The following NPAS3 variants were observed in gnomAD, a reference collection of about 807,000 sequenced individuals.
NPAS3 encodes the protein neuronal PAS domain protein 3.
NPAS3 carries 14 observed loss-of-function variants against 73.1 expected under a neutral mutation model. The ratio of observed to expected loss-of-function variants is 0.19; its 90% CI spans 0.13 to 0.30. NPAS3 has a LOEUF of 0.30. Ranked by LOEUF, NPAS3 falls within the 10% of genes least tolerant of loss-of-function variation. The probability of loss-of-function intolerance (pLI) is 1.00; values close to 1 mark genes in which losing one functional copy is unlikely to be tolerated. For synonymous variants in NPAS3, 620 were observed against 541.5 expected (o/e 1.14, Z -2.01); for missense variants, 1,096 against 1,250.0 (o/e 0.88, Z 1.86).
intron 2 of NPAS3, among the ~76,000 whole-genome samples, chr14:33,139,242 A>T (rs778651039): frequency 2.4e-4 from 36 of 152,304 alleles, no homozygotes; most frequent in Non-Finnish European, 4.0e-4. Context: ...GAGACTGTTC[A>T]CATGTTACCA....
At chr14:33,725,722 G>A (rs2061246860) in intron 6 of NPAS3, among the ~76,000 whole-genome samples, 1 of 151,990 alleles carries the variant, frequency 6.6e-6, no homozygotes, top group Admixed American at 6.6e-5. Flanking sequence ...CATTGCCACT[G>A]TCCTGGCTCC....
At chr14:33,010,956 G>GA (rs36078548) in intron 1 of NPAS3, among the ~76,000 whole-genome samples, 82,169 of 142,186 alleles carry the variant, frequency 0.58, 25,472 homozygotes, top group Non-Finnish European at 0.7. Flanking sequence ...AAAAAAAAAA[G>GA]AAAAGAAAAA....
intron 5 of NPAS3, among the ~76,000 whole-genome samples, chr14:33,596,493 G>A (rs879379907): frequency 4.6e-5 from 7 of 152,168 alleles, no homozygotes; most frequent in East Asian, 1.9e-4. Context: ...ATGGCTTGCC[G>A]TTTACTCAAA....
At chr14:32,992,035 G>A (rs146470961) in intron 1 of NPAS3, among the ~76,000 whole-genome samples, 221 of 152,324 alleles carry the variant, frequency 1.5e-3, no homozygotes, top group African/African-American at 5.1e-3. Context: ...AAAATGAAGA[G>A]CCAGATTACA....
intron 3 of NPAS3, among the ~76,000 whole-genome samples, chr14:33,299,225 G>A (rs1002655855): frequency 2.4e-4 from 37 of 152,288 alleles, no homozygotes; most frequent in Admixed American, 5.9e-4. Flanking sequence ...CTGAGATACC[G>A]TCTTTCCCTT....
intron 9 of NPAS3, among the ~76,000 whole-genome samples, chr14:33,785,881 T>G (rs1241460405): frequency 1.3e-5 from 2 of 152,210 alleles, no homozygotes; most frequent in Non-Finnish European, 2.9e-5. Context: ...AAGATCAAGA[T>G]AGCATCCCCA....
chr14:33,157,705 T>C (rs1049449782), intron 2 of NPAS3, among the ~76,000 whole-genome samples: 1 of 152,220 alleles, frequency 6.6e-6, no homozygotes, highest in Admixed American at 6.5e-5. Context: ...TCATGGAATA[T>C]GTACCTTATG....
chr14:32,993,011 C>T (rs10150757), intron 1 of NPAS3, among the ~76,000 whole-genome samples: 2 of 151,790 alleles, frequency 1.3e-5, no homozygotes, highest in Non-Finnish European at 2.9e-5. Context: ...AAAAAATTAG[C>T]TGGGTGTGGT....
intron 1 of NPAS3, among the ~76,000 whole-genome samples, chr14:33,047,326 T>G (rs2040543842): frequency 6.6e-6 from 1 of 152,216 alleles, no homozygotes; most frequent in Admixed American, 6.5e-5. Flanking sequence ...AATTAATATG[T>G]GATACCCACC....
chr14:33,802,126 A>G (rs2063727825), downstream of NPAS3: 1 of 152,136 alleles, frequency 6.6e-6, no homozygotes. Context: ...TACTCAGTCT[A>G]ACTGAGGCTA....
Position 33,753,662 on chromosome 14 carries a change from T to C in NPAS3, c.852+18330T>C, listed in dbSNP as rs562539393. Reference sequence around the variant, plus strand: ...CAATACCCTACAAAGCAAGAAAATATATACCCAGAAAAATCTACAGGTTCC... The same window carrying C: ...CAATACCCTACAAAGCAAGAAAATACATACCCAGAAAAATCTACAGGTTCC... On this transcript the variant is annotated intron_variant, in intron 7 of 11. Coordinates refer to ENST00000356141, the Ensembl canonical transcript of NPAS3. 7.9e-5 allele frequency among the ~76,000 whole-genome samples: 12 copies of C among 152,280 alleles called. No individual in the cohort carries two copies. In the East Asian group the frequency reaches 2.3e-3, roughly 29 times the overall value.
intron 6 of NPAS3, among the ~76,000 whole-genome samples, chr14:33,681,307 T>C (rs1156598693): frequency 6.6e-6 from 1 of 152,204 alleles, no homozygotes. Context: ...GGATATTTTT[T>C]GTATTGGGTC....
rs558613968 is a variant in NPAS3 at position 33,756,093 on chromosome 14, C to A, written c.853-18244C>A. 2.0e-5 allele frequency among the ~76,000 whole-genome samples: 3 copies of A among 152,226 alleles called. No individual in the cohort carries two copies. The East Asian group carries it at 5.8e-4, about 29-fold the overall frequency. On this transcript the variant is annotated intron_variant, in intron 7 of 11. Coordinates refer to ENST00000356141, the Ensembl canonical transcript of NPAS3. The stretch of plus-strand genomic sequence containing the variant: ...CATGAAGTTTGGTGAGGGCAAATAC[C>A]CAAACCATAGCAATTATCCAACTTT...
intron 1 of NPAS3, among the ~76,000 whole-genome samples, chr14:32,976,602 A>T (rs1381077248): frequency 6.6e-6 from 1 of 152,200 alleles, no homozygotes; most frequent in African/African-American, 2.4e-5. Context: ...GCCAAAATCC[A>T]TATCTCTTTC....
Position 33,491,491 on chromosome 14 carries a change from C to T in NPAS3, c.469-68630C>T, listed in dbSNP as rs563836591. On this transcript the variant is annotated intron_variant, in intron 4 of 11. Coordinates refer to ENST00000356141, the Ensembl canonical transcript of NPAS3. ...ATGGTAGGCACTAGCCGCCTGTGGC[C>T]GTGAGCACTAGGATTGTGGCTCATG... Among the ~76,000 whole-genome samples, 19 of 152,146 alleles carry T rather than the reference C, an allele frequency of 1.2e-4. No homozygotes were observed. The South Asian group carries it at 2.3e-3, about 18-fold the overall frequency.
chr14:32,999,275 G>T (rs1264046006), intron 1 of NPAS3, among the ~76,000 whole-genome samples: 1 of 152,110 alleles, frequency 6.6e-6, no homozygotes, highest in Non-Finnish European at 1.5e-5. Context: ...CCTTTGGGAG[G>T]CCAAGGTGGG....
chr14:33,519,558 T>C (rs1277412279), intron 4 of NPAS3, among the ~76,000 whole-genome samples: 4 of 152,158 alleles, frequency 2.6e-5, no homozygotes, highest in African/African-American at 9.7e-5. Context: ...ATTATTTGTG[T>C]AACGTGGGAC....
chr14:33,729,261 A>G (rs1485298944), intron 6 of NPAS3, among the ~76,000 whole-genome samples: 1 of 152,158 alleles, frequency 6.6e-6, no homozygotes, highest in Non-Finnish European at 1.5e-5. Flanking sequence ...ACACATGTAA[A>G]TTCAACCAGT....
intron 1 of NPAS3, among the ~76,000 whole-genome samples, chr14:33,049,899 G>C (rs2040643871): frequency 6.6e-6 from 1 of 152,162 alleles, no homozygotes; most frequent in East Asian, 1.9e-4. Context: ...ATTCACTGGA[G>C]GATAATTGCA....
Sources: gnomAD v4.1 joint callset for allele counts (sites outside exome capture counted in the v4.1 genomes callset) on GRCh38, gnomAD v4.1.1 for gene constraint, MANE v1.5 for transcripts, NCBI Gene and HGNC (gene_info 2026-07-23, HGNC 2026-07-21) for gene names.